The following DLGAP1 variants were observed in gnomAD, a reference collection of about 807,000 sequenced individuals.
The protein encoded by DLGAP1 is disks large-associated protein 1.
Under a neutral mutation model 90.8 loss-of-function variants are expected in DLGAP1, and 11 were observed. The ratio of observed to expected loss-of-function variants is 0.12; its 90% confidence interval spans 0.08 to 0.20. The LOEUF (loss-of-function observed/expected upper bound fraction) is 0.20, where lower values mean the gene tolerates loss of function less well. Ranked by LOEUF, DLGAP1 falls within the 10% of genes least tolerant of loss-of-function variation. DLGAP1 has a pLI of 1.00. For missense variants in DLGAP1, 1,050 were observed against 1,333.8 expected (o/e 0.79, Z 3.31); for synonymous variants, 558 against 540.7 (o/e 1.03, Z -0.44).
intron 7 of DLGAP1, among the ~76,000 whole-genome samples, chr18:3,652,030 G>A (rs545558709): frequency 6.4e-4 from 97 of 151,898 alleles, no homozygotes; most frequent in African/African-American, 2.2e-3. Context: ...CGGGCGTGGT[G>A]GCGCGCGCCT....
At chr18:4,227,985 C>T (rs2078227178) in intron 1 of DLGAP1, among the ~76,000 whole-genome samples, 1 of 151,010 alleles carries the variant, frequency 6.6e-6, no homozygotes, top group East Asian at 1.9e-4. Context: ...GAGAGAAGAC[C>T]CAAATAAATA....
chr18:4,163,680 A>C (rs1307800603), intron 1 of DLGAP1, among the ~76,000 whole-genome samples: 2 of 152,158 alleles, frequency 1.3e-5, no homozygotes, highest in Non-Finnish European at 2.9e-5. Flanking sequence ...CGAAGCAAAA[A>C]CAGTGAACAG....
At chr18:4,131,095 A>T (rs2144207423) in intron 2 of DLGAP1, among the ~76,000 whole-genome samples, 1 of 152,278 alleles carries the variant, frequency 6.6e-6, no homozygotes, top group South Asian at 2.1e-4. Flanking sequence ...ATATTATGCA[A>T]CTATTTATAT....
chr18:3,868,400 T>A (rs960260554), intron 4 of DLGAP1, among the ~76,000 whole-genome samples: 2 of 152,110 alleles, frequency 1.3e-5, no homozygotes, highest in African/African-American at 4.8e-5. Flanking sequence ...AAAGGAAAAG[T>A]CCTGTAGAAA....
intron 5 of DLGAP1, among the ~76,000 whole-genome samples, chr18:3,751,529 C>G (rs972326870): frequency 6.6e-6 from 1 of 150,552 alleles, no homozygotes; most frequent in Non-Finnish European, 1.5e-5. Context: ...AACTCCTGGT[C>G]CCAAGTGATC....
At chr18:3,825,626 G>T (rs2067669611) in intron 4 of DLGAP1, among the ~76,000 whole-genome samples, 1 of 152,088 alleles carries the variant, frequency 6.6e-6, no homozygotes, top group Non-Finnish European at 1.5e-5. Context: ...CACAGATGCA[G>T]AACTGATGGA....
At chr18:4,269,354 A>ATAT (rs1247401948) in intron 1 of DLGAP1, among the ~76,000 whole-genome samples, 287 of 132,100 alleles carry the variant, frequency 2.2e-3, no homozygotes, top group African/African-American at 6.8e-3. Flanking sequence ...ATATATATAT[A>ATAT]TTTTTTTTTT....
intron 1 of DLGAP1, among the ~76,000 whole-genome samples, chr18:4,355,491 C>G (rs2081489536): frequency 6.6e-6 from 1 of 152,130 alleles, no homozygotes. Context: ...AAGGGTGCCA[C>G]ATAGTTACGG....
chr18:4,407,840 G>A (rs1243682948), intron 1 of DLGAP1, among the ~76,000 whole-genome samples: 6 of 151,070 alleles, frequency 4.0e-5, no homozygotes, highest in Admixed American at 2.0e-4. Flanking sequence ...CCGAGATTAC[G>A]CCAGAGTGAG....
intron 7 of DLGAP1, among the ~76,000 whole-genome samples, chr18:3,710,567 C>CAT (rs2061568103): frequency 6.6e-6 from 1 of 152,144 alleles, no homozygotes; most frequent in African/African-American, 2.4e-5. Context: ...TTATTTATTC[C>CAT]ATATATATTT....
intron 1 of DLGAP1, among the ~76,000 whole-genome samples, chr18:4,178,295 C>G (rs1456580101): frequency 1.3e-5 from 2 of 151,400 alleles, no homozygotes; most frequent in African/African-American, 4.9e-5. Context: ...AAGCTGAACT[C>G]AAACTTCTCA....
chr18:3,674,611 C>T (rs898098133), intron 7 of DLGAP1, among the ~76,000 whole-genome samples: 1 of 144,046 alleles, frequency 6.9e-6, no homozygotes, highest in African/African-American at 2.9e-5. Flanking sequence ...CAGAGCAAGA[C>T]CCTATCTGTA....
intron 1 of DLGAP1, among the ~76,000 whole-genome samples, chr18:4,325,342 G>A (rs965102938): frequency 1.3e-5 from 2 of 152,066 alleles, no homozygotes; most frequent in Non-Finnish European, 2.9e-5. Context: ...ATAAAATACT[G>A]CTGAAAGAAA....
At chr18:3,936,748 C>A (rs951326577) in intron 3 of DLGAP1, among the ~76,000 whole-genome samples, 1 of 152,150 alleles carries the variant, frequency 6.6e-6, no homozygotes, top group Non-Finnish European at 1.5e-5. Context: ...TCCTCCAGTA[C>A]CTCAATATCC....
chr18:4,141,143 G>A (rs1160940080), intron 2 of DLGAP1, among the ~76,000 whole-genome samples: 1 of 151,852 alleles, frequency 6.6e-6, no homozygotes, highest in Non-Finnish European at 1.5e-5. Context: ...TTCTATATCT[G>A]TCTTCTCTTT....
At chr18:3,843,354 C>A (rs2068826607) in intron 4 of DLGAP1, among the ~76,000 whole-genome samples, 3 of 152,154 alleles carry the variant, frequency 2.0e-5, no homozygotes, top group Admixed American at 2.0e-4. Flanking sequence ...CACATTTTCA[C>A]CCTCAAGTTG....
intron 3 of DLGAP1, among the ~76,000 whole-genome samples, chr18:3,926,625 T>A (rs1327981844): frequency 6.6e-6 from 1 of 151,936 alleles, no homozygotes; most frequent in East Asian, 1.9e-4. Context: ...CAGATAGATA[T>A]CTACATAGAG....
At chr18:4,154,006 C>T (rs1025908002) in intron 1 of DLGAP1, among the ~76,000 whole-genome samples, 8 of 152,160 alleles carry the variant, frequency 5.3e-5, no homozygotes, top group African/African-American at 1.9e-4. Context: ...ACTCTCTCAA[C>T]TCATCTGCCT....
In DLGAP1 at chr18:3,497,989, C is replaced by T. The variant is rs1242402445; in HGVS notation, c.*1196G>A. 6.6e-6 allele frequency: 1 copy of T among 152,196 alleles called. No individual in the cohort carries two copies. Among genetic ancestry groups the T allele is most frequent in the Non-Finnish European group, 1.5e-5 (1 of 68,044 alleles). 9.4% of individuals were successfully genotyped at this position (152,196 alleles called of 1,614,324 possible). On this transcript the variant is annotated 3_prime_UTR_variant, in exon 13 of 13. Transcript: ENST00000315677. ...AAAAATTTATTTTAGCCATTTGACACAGGACAGAATCCTATGCTAGGTATT... is the reference window on the plus strand; with the variant it reads ...AAAAATTTATTTTAGCCATTTGACATAGGACAGAATCCTATGCTAGGTATT...
Sources: gnomAD v4.1 joint callset for allele counts (sites outside exome capture counted in the v4.1 genomes callset) on GRCh38, gnomAD v4.1.1 for gene constraint, MANE v1.5 for transcripts, NCBI Gene and HGNC (gene_info 2026-07-23, HGNC 2026-07-21) for gene names.